Variants in RUNDC3B observed in about 807,000 individuals in gnomAD.
RUNDC3B encodes RUN domain containing 3B.
In RUNDC3B, 33 loss-of-function variants were observed where a neutral mutation model predicts 58.4. The ratio of observed to expected loss-of-function variants is 0.56; its 90% CI spans 0.43 to 0.75. The LOEUF is 0.75. Ranked by LOEUF, RUNDC3B falls within the 30% of genes least tolerant of loss-of-function variation. The probability of loss-of-function intolerance (pLI) is 0.00; values close to 1 mark genes in which losing one functional copy is unlikely to be tolerated. For synonymous variants in RUNDC3B, 193 were observed against 195.2 expected, an observed-to-expected ratio of 0.99 and a Z score of 0.10; for missense variants, 501 against 535.7, an observed-to-expected ratio of 0.94 and a Z score of 0.64.
chr7:87,810,805 A>AT (rs1266886985), intron 9 of RUNDC3B, among the ~76,000 whole-genome samples: 9 of 152,162 alleles, frequency 5.9e-5, no homozygotes, highest in Admixed American at 5.9e-4. Context: ...AACATGATAT[A>AT]CATGTTTGAA....
At chr7:87,775,169 A>C (rs1215598040) in intron 7 of RUNDC3B, among the ~76,000 whole-genome samples, 2 of 152,214 alleles carry the variant, frequency 1.3e-5, no homozygotes, top group South Asian at 4.1e-4. Flanking sequence ...TCCATGTGTT[A>C]ATGCTCCTGA....
chr7:87,638,053 A>G (rs1199899871), intron 1 of RUNDC3B, among the ~76,000 whole-genome samples: 1 of 151,960 alleles, frequency 6.6e-6, no homozygotes, highest in Admixed American at 6.6e-5. Flanking sequence ...TTATTATTGT[A>G]TTATTAAATT....
chr7:87,749,054 A>G (rs1170209860), intron 6 of RUNDC3B, among the ~76,000 whole-genome samples: 2 of 152,212 alleles, frequency 1.3e-5, no homozygotes, highest in South Asian at 2.1e-4. Context: ...TTAGTCACAC[A>G]ACTAGTTTAA....
chr7:87,806,883 G>A (rs1008086157), intron 8 of RUNDC3B, among the ~76,000 whole-genome samples: 30 of 151,828 alleles, frequency 2.0e-4, no homozygotes, highest in African/African-American at 7.3e-4. Flanking sequence ...GAATCTCATG[G>A]ATTTTTTTAT....
In RUNDC3B at chr7:87,647,656, T is replaced by G. The variant is rs189513202; in HGVS notation, c.123-3166T>G. On this transcript the variant is annotated intron_variant, in intron 1 of 10. Coordinates refer to ENST00000394654, the MANE Select transcript of RUNDC3B (RefSeq NM_001134405.2). ...AACATCAGTCCTACAATAACGTGGT[T>G]TCAATTTGAATTACCATTGTAATTC... Among the ~76,000 whole-genome samples, 323 of 152,328 alleles carry G rather than the reference T, an allele frequency of 2.1e-3. 3 individuals carry two copies. The highest frequency in any genetic ancestry group is 7.6e-3 in the African/African-American group (314 of 41,584).
At chr7:87,684,151 A>G (rs184311813) in intron 2 of RUNDC3B, among the ~76,000 whole-genome samples, 2 of 152,330 alleles carry the variant, frequency 1.3e-5, no homozygotes, top group African/African-American at 4.8e-5. Flanking sequence ...CTTAAAGGGC[A>G]TCTACAGAAG....
intron 3 of RUNDC3B, chr7:87,709,411 G>T (rs116029881): frequency 2.0e-6 from 2 of 985,308 alleles, no homozygotes; most frequent in African/African-American, 3.5e-5. Flanking sequence ...TCCTTCCTCT[G>T]TTCCAATCAG....
intron 8 of RUNDC3B, among the ~76,000 whole-genome samples, chr7:87,779,866 A>G (rs756783410): frequency 1.3e-5 from 2 of 151,996 alleles, no homozygotes; most frequent in Non-Finnish European, 2.9e-5. Context: ...TACCAGCTAT[A>G]AGTGAGAACA....
intron 10 of RUNDC3B, among the ~76,000 whole-genome samples, chr7:87,827,455 C>G (rs974367202): frequency 6.6e-6 from 1 of 152,160 alleles, no homozygotes; most frequent in Non-Finnish European, 1.5e-5. Context: ...CCACTGCACT[C>G]AAGCCTGGGT....
chr7:87,663,798 T>C lies in RUNDC3B; in HGVS notation c.238+12861T>C, dbSNP rs535062282. The stretch of plus-strand genomic sequence containing the variant: ...GGATGAGAAGTCCAAGATCAAGATA[T>C]TGGCTGATTTGCTTTCTGGCAAGCA... On this transcript the variant is annotated intron_variant, in intron 2 of 10. Transcript: ENST00000394654. 3.9e-5 allele frequency among the ~76,000 whole-genome samples: 6 copies of C among 152,242 alleles called. No individual in the cohort carries two copies. The East Asian group carries it at 9.7e-4, about 25-fold the overall frequency.
chr7:87,765,912 A>G (rs918367710), intron 6 of RUNDC3B, among the ~76,000 whole-genome samples: 3 of 151,820 alleles, frequency 2.0e-5, no homozygotes, highest in Non-Finnish European at 2.9e-5. Flanking sequence ...CCTCACTATT[A>G]TTGTATTACC....
chr7:87,692,433 G>C lies in RUNDC3B; in HGVS notation c.239-7988G>C, dbSNP rs376596376. On this transcript the variant is annotated intron_variant, in intron 2 of 10. Transcript: ENST00000394654. ...GAATGCATCACTGAGCTCCAGCCAG[G>C]GTGACAAAGTGAGAACCTGTCTCTT... Among the ~76,000 whole-genome samples the C allele has an allele frequency of 1.2e-4, 19 of 152,158 alleles. No homozygotes were observed. The East Asian group carries it at 2.9e-3, about 23-fold the overall frequency.
intron 4 of RUNDC3B, among the ~76,000 whole-genome samples, chr7:87,721,799 GTCTC>G (rs905325506): frequency 6.7e-6 from 1 of 148,892 alleles, no homozygotes; most frequent in African/African-American, 2.5e-5. Flanking sequence ...CTCTGTCTCT[GTCTC>G]TCTCTCTCTC....
chr7:87,635,085 T>C (rs927700266), intron 1 of RUNDC3B, among the ~76,000 whole-genome samples: 1 of 152,186 alleles, frequency 6.6e-6, no homozygotes, highest in African/African-American at 2.4e-5. Context: ...TGCTTGATAA[T>C]TGTCAAAATT....
At chr7:87,651,792 G>A (rs889047924) in intron 2 of RUNDC3B, among the ~76,000 whole-genome samples, 18 of 152,082 alleles carry the variant, frequency 1.2e-4, no homozygotes, top group Admixed American at 1.1e-3. Flanking sequence ...GTTTAAATGA[G>A]TTGAGCAGTA....
chr7:87,700,762 A>G (rs1269417483), intron 3 of RUNDC3B, among the ~76,000 whole-genome samples: 1 of 152,230 alleles, frequency 6.6e-6, no homozygotes, highest in Non-Finnish European at 1.5e-5. Flanking sequence ...AAGATGTCCA[A>G]GACCCTTTCT....
At chr7:87,817,489 A>T (rs567993759) in intron 10 of RUNDC3B, among the ~76,000 whole-genome samples, 3 of 152,176 alleles carry the variant, frequency 2.0e-5, no homozygotes, top group Admixed American at 2.0e-4. Flanking sequence ...ATTTCATACC[A>T]TTCTTTTCCT....
intron 3 of RUNDC3B, among the ~76,000 whole-genome samples, chr7:87,708,385 TG>T (rs1714035446): frequency 6.6e-6 from 1 of 152,090 alleles, no homozygotes; most frequent in African/African-American, 2.4e-5. Flanking sequence ...TATATAAATT[TG>T]AAAATTTAGA....
At chr7:87,670,033 A>G (rs1825673034) in intron 2 of RUNDC3B, among the ~76,000 whole-genome samples, 1 of 152,158 alleles carries the variant, frequency 6.6e-6, no homozygotes, top group African/African-American at 2.4e-5. Context: ...TCGTTGGGGA[A>G]GTTTTCATGG....
Sources: allele counts gnomAD v4.1 joint callset (sites outside exome capture counted in the v4.1 genomes callset), GRCh38; gene constraint gnomAD v4.1.1; transcripts MANE v1.5; gene names NCBI Gene and HGNC (gene_info 2026-07-23, HGNC 2026-07-21).